The following GALNT13 variants were observed in gnomAD, a reference collection of about 807,000 sequenced individuals.
GALNT13 encodes the protein polypeptide N-acetylgalactosaminyltransferase 13.
In GALNT13, 28 loss-of-function variants were observed where a neutral mutation model predicts 64.2. The observed-to-expected ratio is 0.44, with a 90% CI of 0.32 to 0.60. The LOEUF is 0.60. Ranked by LOEUF, GALNT13 falls within the 20% of genes least tolerant of loss-of-function variation. GALNT13 has a pLI of 0.05. For synonymous variants in GALNT13, 214 were observed against 224.6 expected (o/e 0.95, Z 0.42); for missense variants, 577 against 669.8 (o/e 0.86, Z 1.53).
chr2:153,689,487 C>T, the GALNT13 span, among the ~76,000 whole-genome samples: 3 of 151,870 alleles, frequency 2.0e-5, no homozygotes, highest in Admixed American at 6.6e-5. Flanking sequence ...TAATAAATCC[C>T]GTTTAATAAG....
chr2:154,369,897 G>A (rs1697585870), intron 9 of GALNT13, among the ~76,000 whole-genome samples: 1 of 152,072 alleles, frequency 6.6e-6, no homozygotes, highest in South Asian at 2.1e-4. Context: ...TAGAGGGGGA[G>A]AAAGATATTT....
the GALNT13 span, among the ~76,000 whole-genome samples, chr2:153,095,527 C>T: frequency 2.0e-5 from 3 of 152,164 alleles, no homozygotes; most frequent in Admixed American, 1.3e-4. Context: ...TCCAGTCATC[C>T]CATTACTGGG....
chr2:153,254,146 T>G, the GALNT13 span, among the ~76,000 whole-genome samples: 270 of 152,228 alleles, frequency 1.8e-3, 2 homozygotes, highest in African/African-American at 5.2e-3. Context: ...CAATTTCAGA[T>G]CCTGTTATTG....
the GALNT13 span, among the ~76,000 whole-genome samples, chr2:153,721,097 A>T: frequency 1.5e-3 from 224 of 148,816 alleles, no homozygotes; most frequent in African/African-American, 5.3e-3. Flanking sequence ...AGCCCATCAG[A>T]CTAACAGCGG....
At chr2:153,740,417 T>G in the GALNT13 span, among the ~76,000 whole-genome samples, 1 of 152,122 alleles carries the variant, frequency 6.6e-6, no homozygotes, top group African/African-American at 2.4e-5. Flanking sequence ...TGTAGAATTT[T>G]TATTACATAT....
chr2:153,373,929 C>T, the GALNT13 span, among the ~76,000 whole-genome samples: 7 of 152,138 alleles, frequency 4.6e-5, no homozygotes, highest in Non-Finnish European at 1.0e-4. Flanking sequence ...GACATTGCTG[C>T]ATGTGCCAAA....
chr2:153,628,833 T>A, the GALNT13 span, among the ~76,000 whole-genome samples: 21 of 152,282 alleles, frequency 1.4e-4, no homozygotes, highest in East Asian at 3.5e-3. Context: ...TCTGCCTGGC[T>A]TTGGTATCAG....
chr2:153,676,518 G>T, the GALNT13 span, among the ~76,000 whole-genome samples: 1 of 152,074 alleles, frequency 6.6e-6, no homozygotes, highest in African/African-American at 2.4e-5. Flanking sequence ...ATTCTATAAG[G>T]CCAGCATTAT....
At chr2:153,101,952 A>G in the GALNT13 span, among the ~76,000 whole-genome samples, 1 of 152,272 alleles carries the variant, frequency 6.6e-6, no homozygotes, top group East Asian at 1.9e-4. Flanking sequence ...TTATGTATCT[A>G]TAATATTTCA....
chr2:153,355,144 CGT>C, the GALNT13 span, among the ~76,000 whole-genome samples: 1 of 152,080 alleles, frequency 6.6e-6, no homozygotes, highest in Non-Finnish European at 1.5e-5. Flanking sequence ...ATGATTTTTT[CGT>C]GAGGAGTGTG....
At chr2:153,376,838 A>G in the GALNT13 span, among the ~76,000 whole-genome samples, 1 of 152,176 alleles carries the variant, frequency 6.6e-6, no homozygotes, top group Non-Finnish European at 1.5e-5. Context: ...TGTCAGATAC[A>G]TTCTTCATGG....
chr2:153,651,876 C>G, the GALNT13 span, among the ~76,000 whole-genome samples: 15 of 152,100 alleles, frequency 9.9e-5, no homozygotes, highest in Non-Finnish European at 1.9e-4. Context: ...TTTGTTGTAT[C>G]TGTTATTTTT....
At chr2:154,112,799 T>C (rs2348783) in intron 3 of GALNT13, among the ~76,000 whole-genome samples, 13,046 of 152,128 alleles carry the variant, frequency 0.086, 1,498 homozygotes, top group East Asian at 0.61. Flanking sequence ...GTGAAGCATG[T>C]CCTAGTTTTC....
chr2:153,797,638 A>T, the GALNT13 span, among the ~76,000 whole-genome samples: 2 of 152,190 alleles, frequency 1.3e-5, no homozygotes, highest in Non-Finnish European at 2.9e-5. Context: ...GGTAACGGGA[A>T]GTGTGTTATA....
chr2:153,571,086 T>C, the GALNT13 span, among the ~76,000 whole-genome samples: 230 of 152,124 alleles, frequency 1.5e-3, 2 homozygotes, highest in East Asian at 0.016. Context: ...TTCCAGTTCA[T>C]GAACGTAGAA....
At chr2:154,191,582 T>G (rs1038691839) in intron 4 of GALNT13, among the ~76,000 whole-genome samples, 1 of 152,192 alleles carries the variant, frequency 6.6e-6, no homozygotes, top group South Asian at 2.1e-4. Context: ...TTTAAACCAC[T>G]TTTCAACTTG....
chr2:154,022,381 T>C (rs552832186), intron 3 of GALNT13, among the ~76,000 whole-genome samples: 1 of 152,174 alleles, frequency 6.6e-6, no homozygotes, highest in Admixed American at 6.5e-5. Flanking sequence ...CAATTTCAGA[T>C]CCTGTTATTG....
At chr2:153,257,556 T>C in the GALNT13 span, among the ~76,000 whole-genome samples, 2 of 152,180 alleles carry the variant, frequency 1.3e-5, no homozygotes, top group South Asian at 2.1e-4. Context: ...CATTTTCAAA[T>C]AGAAGACTGA....
At chr2:153,361,158 AAAAC>A in the GALNT13 span, among the ~76,000 whole-genome samples, 15 of 152,208 alleles carry the variant, frequency 9.9e-5, no homozygotes, top group African/African-American at 2.4e-4. Context: ...CATTGAAAGA[AAAAC>A]AAACAAACAG....
Sources: allele counts gnomAD v4.1 joint callset (sites outside exome capture counted in the v4.1 genomes callset), GRCh38; gene constraint gnomAD v4.1.1; transcripts MANE v1.5; gene names NCBI Gene and HGNC (gene_info 2026-07-23, HGNC 2026-07-21).